WDFY2: variants seen among roughly 807,000 people sequenced by gnomAD.
WDFY2 encodes the protein WD repeat and FYVE domain-containing protein 2.
A neutral mutation model predicts 56.4 loss-of-function variants in WDFY2; 36 were observed. The observed-to-expected ratio is 0.64, with a 90% CI of 0.49 to 0.84. The LOEUF is 0.84. WDFY2 is among the 40% of genes least tolerant of loss of function. The pLI is 0.00. For synonymous variants in WDFY2, 176 were observed against 183.7 expected (o/e 0.96, Z 0.34); for missense variants, 444 against 512.2 (o/e 0.87, Z 1.29).
rs1952415730 is a variant in WDFY2, at chr13:51,718,566, AC to A, written c.335-631del. ...TGCTCTTATTATCATTCATACACACACACACACACACACACACACACACACA... is the reference window on the plus strand; with the variant it reads ...TGCTCTTATTATCATTCATACACACAACACACACACACACACACACACACA... On this transcript the variant is annotated intron_variant, in intron 4 of 11. Transcript: ENST00000298125. 2.1e-5 allele frequency among the ~76,000 whole-genome samples: 3 copies of A among 139,784 alleles called. No individual in the cohort carries two copies. In the South Asian group the frequency reaches 6.6e-4, roughly 31 times the overall value. The allele number at this position is 139,784 out of a possible 152,430, so 91.7% of individuals were successfully genotyped here.
At chr13:51,706,414 C>T (rs1952083090) in intron 4 of WDFY2, among the ~76,000 whole-genome samples, 1 of 152,032 alleles carries the variant, frequency 6.6e-6, no homozygotes, top group Admixed American at 6.6e-5. Context: ...AGAAATAAGG[C>T]CTAGGGCCTG....
intron 11 of WDFY2, 116 bp from the exon 12 acceptor site, chr13:51,759,624 G>A (rs573401226): frequency 7.3e-6 from 6 of 822,494 alleles, no homozygotes; most frequent in South Asian, 5.3e-5. Flanking sequence ...AATCATGTTA[G>A]TATAGTATGT....
intron 1 of WDFY2, among the ~76,000 whole-genome samples, chr13:51,623,024 AT>A: frequency 6.6e-6 from 1 of 151,810 alleles, no homozygotes; most frequent in Non-Finnish European, 1.5e-5. Flanking sequence ...TGCCTGGCTA[AT>A]TTTTATATTT....
intron 1 of WDFY2, among the ~76,000 whole-genome samples, chr13:51,630,859 A>T (rs1447875995): frequency 1.3e-5 from 2 of 149,296 alleles, no homozygotes; most frequent in Non-Finnish European, 3.0e-5. Flanking sequence ...GGTCACTGCA[A>T]CCCCTGCCTC....
rs567761944 is a variant in WDFY2 at position 51,634,187 on chromosome 13, T to G, written c.138-26409T>G. Among the ~76,000 whole-genome samples the G allele has an allele frequency of 2.0e-5, 3 of 152,254 alleles. No homozygotes were observed. In the East Asian group the frequency reaches 5.8e-4, roughly 29 times the overall value. ...CAGGTCATTAAAACTGAGCTTGGCTTTATGAGAGTTATTTGAATTATTACA... is the reference window on the plus strand; with the variant it reads ...CAGGTCATTAAAACTGAGCTTGGCTGTATGAGAGTTATTTGAATTATTACA... On this transcript the variant is annotated intron_variant, in intron 1 of 11. Coordinates refer to ENST00000298125, the MANE Select transcript of WDFY2 (RefSeq NM_052950.4).
chr13:51,653,271 C>T (rs999166489), intron 1 of WDFY2, among the ~76,000 whole-genome samples: 1 of 152,172 alleles, frequency 6.6e-6, no homozygotes, highest in African/African-American at 2.4e-5. Flanking sequence ...CCTTTAAGGA[C>T]TACTCTGCAT....
At chr13:51,689,828 T>C (rs1431153346) in intron 3 of WDFY2, among the ~76,000 whole-genome samples, 3 of 152,192 alleles carry the variant, frequency 2.0e-5, no homozygotes, top group African/African-American at 7.2e-5. Flanking sequence ...AAATGAAGAT[T>C]AAGCAAAGCC....
chr13:51,624,093 A>G (rs1286512240), intron 1 of WDFY2, among the ~76,000 whole-genome samples: 1 of 152,204 alleles, frequency 6.6e-6, no homozygotes, highest in South Asian at 2.1e-4. Context: ...AAACCTGTAT[A>G]CGGTGAAATT....
rs1222181393 is a variant in WDFY2, at chr13:51,761,727, G to C, written c.*1958G>C. ...CCCCTACGTGTGTTTCCCTGGGATGGGGCCTTGCTAGAGGTGATTCTGCTG... is the reference window on the plus strand; with the variant it reads ...CCCCTACGTGTGTTTCCCTGGGATGCGGCCTTGCTAGAGGTGATTCTGCTG... On this transcript the variant is annotated 3_prime_UTR_variant, in exon 12 of 12. Coordinates refer to ENST00000298125, the MANE Select transcript of WDFY2 (RefSeq NM_052950.4). 2.0e-5 allele frequency: 3 copies of C among 152,196 alleles called. No homozygotes were observed. Among genetic ancestry groups the C allele is most frequent in the Non-Finnish European group, 4.4e-5 (3 of 68,034 alleles). 9.4% of individuals were successfully genotyped at this position (152,196 alleles called of 1,614,324 possible). A position where few individuals can be genotyped will look rare whatever the true frequency, so the allele number is the denominator to read the frequency against.
chr13:51,638,862 T>C (rs1955101805), intron 1 of WDFY2, among the ~76,000 whole-genome samples: 1 of 152,244 alleles, frequency 6.6e-6, no homozygotes, highest in Admixed American at 6.5e-5. Flanking sequence ...TTATCAGCCT[T>C]AGCTCAAGCT....
At chr13:51,666,115 C>G (rs1408123355) in intron 2 of WDFY2, among the ~76,000 whole-genome samples, 1 of 152,186 alleles carries the variant, frequency 6.6e-6, no homozygotes, top group Admixed American at 6.5e-5. Context: ...TTTTGAACTG[C>G]TTACTTCCCA....
At position 51,749,132 on chromosome 13, in the gene WDFY2, CTTT is replaced by C. The variant is rs1486358487; in HGVS notation, c.726-2173_726-2171del. Among the ~76,000 whole-genome samples, 4 of 152,166 alleles carry C rather than the reference CTTT, an allele frequency of 2.6e-5. No homozygotes were observed. In the South Asian group the frequency reaches 6.2e-4, roughly 24 times the overall value. ...CAAAATTTTTTGTTTTGGAAAATAT[CTTT>C]TTTTACAGAATATGTGACTTATGTT... is the stretch of plus-strand genomic sequence containing the variant. On this transcript the variant is annotated intron_variant, in intron 7 of 11. Coordinates refer to ENST00000298125, the MANE Select transcript of WDFY2 (RefSeq NM_052950.4).
intron 4 of WDFY2, among the ~76,000 whole-genome samples, chr13:51,718,498 CTG>C (rs931959101): frequency 2.6e-5 from 4 of 151,026 alleles, no homozygotes; most frequent in African/African-American, 9.8e-5. Flanking sequence ...GATGTGATAA[CTG>C]TGATCATATT....
chr13:51,641,825 C>CA (rs750489541), intron 1 of WDFY2, among the ~76,000 whole-genome samples: 3,465 of 36,994 alleles, frequency 0.094, 444 homozygotes, highest in East Asian at 0.26. Context: ...GACTCCGTCT[C>CA]AAAAAAAAAA....
chr13:51,683,061 C>T (rs548928391), intron 3 of WDFY2, among the ~76,000 whole-genome samples: 1 of 152,246 alleles, frequency 6.6e-6, no homozygotes, highest in Admixed American at 6.5e-5. Flanking sequence ...CTTCATCGTC[C>T]TCAAGAAAAG....
chr13:51,689,778 G>A (rs1956121225), intron 3 of WDFY2, among the ~76,000 whole-genome samples: 1 of 152,108 alleles, frequency 6.6e-6, no homozygotes, highest in Non-Finnish European at 1.5e-5. Flanking sequence ...AAACAAACAA[G>A]AATAATCTTT....
intron 1 of WDFY2, chr13:51,598,463 C>A (rs1482624114): frequency 6.6e-6 from 1 of 152,300 alleles, no homozygotes; most frequent in East Asian, 1.9e-4. Context: ...CCACAGTGGA[C>A]CCCTCTCTGA....
intron 3 of WDFY2, among the ~76,000 whole-genome samples, chr13:51,682,088 G>A (rs1955986102): frequency 6.6e-6 from 1 of 152,166 alleles, no homozygotes; most frequent in Non-Finnish European, 1.5e-5. Flanking sequence ...CAGTTCTGTA[G>A]TGTGAATACC....
intron 1 of WDFY2, among the ~76,000 whole-genome samples, chr13:51,643,782 CCTTT>C (rs1356140826): frequency 1.3e-5 from 2 of 152,060 alleles, no homozygotes; most frequent in Admixed American, 1.3e-4. Context: ...CTTTAATTTC[CCTTT>C]CTTTTTTCTT....
Sources: gnomAD v4.1 joint callset for allele counts (sites outside exome capture counted in the v4.1 genomes callset) on GRCh38, gnomAD v4.1.1 for gene constraint, MANE v1.5 for transcripts, NCBI Gene and HGNC (gene_info 2026-07-23, HGNC 2026-07-21) for gene names.